Variants in RAPGEF1 observed in about 807,000 individuals in gnomAD.
The protein encoded by RAPGEF1 is Rap guanine nucleotide exchange factor 1, also known as CRK SH3-binding GNRP.
A neutral mutation model predicts 143.3 loss-of-function variants in RAPGEF1; 33 were observed. The observed-to-expected ratio is 0.23, with a 90% CI of 0.17 to 0.31. The LOEUF (loss-of-function observed/expected upper bound fraction) is 0.31, where lower values mean the gene tolerates loss of function less well. RAPGEF1 is among the 10% of genes least tolerant of loss of function. The probability of loss-of-function intolerance (pLI) is 1.00; values close to 1 mark genes in which losing one functional copy is unlikely to be tolerated. For synonymous variants in RAPGEF1, 629 were observed against 676.5 expected, an observed-to-expected ratio of 0.93 and a Z score of 1.09; for missense variants, 1,199 against 1,645.4, an observed-to-expected ratio of 0.73 and a Z score of 4.69.
chr9:131,638,596 A>C, intron 5 of RAPGEF1, 39 bp downstream of exon 5: 1 of 1,607,204 alleles, frequency 6.2e-7, no homozygotes, highest in Non-Finnish European at 8.5e-7. Flanking sequence ...AGGCTGCTCT[A>C]AGTCCCTGAC....
Position 131,589,920 on chromosome 9 carries a change from A to G in RAPGEF1, c.2833T>C (p.Phe945Leu). The G allele has an allele frequency of 6.2e-7, 1 of 1,613,862 alleles. No individual in the cohort carries two copies. Among genetic ancestry groups the G allele is most frequent in the Non-Finnish European group, 8.5e-7 (1 of 1,179,816 alleles). ...TFKKRVSKNT[F>L]FVLVRVVDEL... ...TCCACCACCCGTACCAGCACGAAGAACGTGTTCTTGCTGACGCGCTTCTTG... is the reference window on the plus strand; with the variant it reads ...TCCACCACCCGTACCAGCACGAAGAGCGTGTTCTTGCTGACGCGCTTCTTG... Residue 945 changes from phenylalanine (F) to leucine (L), a missense_variant, in exon 19 of 27, where the codon TTC becomes CTC. This residue lies in a region of RAPGEF1 where 209 missense variants were observed against 403.0 expected (regional missense o/e 0.52). Coordinates refer to ENST00000683357, the MANE Select transcript of RAPGEF1 (RefSeq NM_001377935.1).
chr9:131,725,000 C>T (rs892032757), intron 1 of RAPGEF1, among the ~76,000 whole-genome samples: 1 of 152,208 alleles, frequency 6.6e-6, no homozygotes, highest in Non-Finnish European at 1.5e-5. Flanking sequence ...CACGGAGCCT[C>T]CACATCCTCC....
intron 5 of RAPGEF1, 119 bp from the exon 6 acceptor site, chr9:131,630,443 C>T: frequency 2.2e-6 from 2 of 909,880 alleles, no homozygotes. Flanking sequence ...CCTACAGATT[C>T]CCCACGCACC....
chr9:131,584,532 T>G lies in RAPGEF1; in HGVS notation c.3298A>C (p.Ile1100Leu). 1 of 1,614,010 alleles carries G rather than the reference T, an allele frequency of 6.2e-7. No individual in the cohort carries two copies. Among genetic ancestry groups the G allele is most frequent in the Admixed American group, 1.7e-5 (1 of 60,030 alleles). Reference protein sequence around the residue: ...QDRERLLLKFIKIMKHLRKLN... With the variant: ...QDRERLLLKFLKIMKHLRKLN... ...GCCACCATTACCTTCATGATCTTGA[T>G]GAACTTCAAGAGCAGCCGTTCCCTG... The change falls in exon 23 of 27, where the codon ATC becomes CTC. Residue 1100 changes from isoleucine to leucine, a missense_variant. Ile to Leu is a conservative substitution (Grantham distance 5, BLOSUM62 2). This residue lies in a region of RAPGEF1 where 209 missense variants were observed against 403.0 expected (regional missense o/e 0.52). Coordinates refer to ENST00000683357, the MANE Select transcript of RAPGEF1 (RefSeq NM_001377935.1). The surrounding 1 kb of genome is among the most constrained non-coding windows in gnomAD (Gnocchi z 6.8).
chr9:131,718,614 A>T (rs546681381), intron 1 of RAPGEF1, among the ~76,000 whole-genome samples: 121 of 152,302 alleles, frequency 7.9e-4, no homozygotes, highest in African/African-American at 2.7e-3. Flanking sequence ...AGAGGAGGCA[A>T]GGACACCCTC....
chr9:131,726,982 T>G (rs1836721356), intron 1 of RAPGEF1, among the ~76,000 whole-genome samples: 1 of 152,054 alleles, frequency 6.6e-6, no homozygotes, highest in Non-Finnish European at 1.5e-5. Context: ...CTAGCCTGGG[T>G]GACAGTGTGA....
intron 1 of RAPGEF1, among the ~76,000 whole-genome samples, chr9:131,671,171 T>A (rs369111872): frequency 6.6e-6 from 1 of 152,240 alleles, no homozygotes; most frequent in African/African-American, 2.4e-5. Context: ...TGATCGTTTT[T>A]CAAGAGGGAA....
chr9:131,663,081 C>T (rs1475350623), intron 1 of RAPGEF1, among the ~76,000 whole-genome samples: 1 of 152,056 alleles, frequency 6.6e-6, no homozygotes, highest in African/African-American at 2.4e-5. Context: ...TAACATTCTG[C>T]CATGCCCGCT....
At chr9:131,647,698 T>C (rs1303823541) in intron 3 of RAPGEF1, among the ~76,000 whole-genome samples, 1 of 152,208 alleles carries the variant, frequency 6.6e-6, no homozygotes, top group African/African-American at 2.4e-5. Flanking sequence ...GAGGTTCGCA[T>C]TTACTTGTCC....
Position 131,736,955 on chromosome 9 carries a change from A to G in RAPGEF1, c.61+2815T>C, listed in dbSNP as rs11243495. ...GTGGGAAGTCCATTAAAAAAACTCC[A>G]ACAGAAATCTAACAAAATGTCGTCT... On this transcript the variant is annotated intron_variant, in intron 1 of 26. Transcript: ENST00000683357. 5.6e-4 allele frequency among the ~76,000 whole-genome samples: 86 copies of G among 152,266 alleles called. 2 individuals are homozygous for G. The East Asian group carries it at 0.016, about 28-fold the overall frequency.
intron 1 of RAPGEF1, among the ~76,000 whole-genome samples, chr9:131,690,996 C>A (rs771673714): frequency 4.6e-5 from 7 of 152,156 alleles, no homozygotes; most frequent in Middle Eastern, 3.4e-3. Flanking sequence ...GATAATTGGC[C>A]TAGGAAATAA....
intron 1 of RAPGEF1, among the ~76,000 whole-genome samples, chr9:131,704,051 A>G (rs1834865470): frequency 6.6e-6 from 1 of 152,102 alleles, no homozygotes; most frequent in African/African-American, 2.4e-5. Context: ...TATGTGAATT[A>G]TCTCATTTAG....
intron 13 of RAPGEF1, among the ~76,000 whole-genome samples, chr9:131,604,380 C>A (rs1446924789): frequency 6.6e-6 from 1 of 152,214 alleles, no homozygotes; most frequent in African/African-American, 2.4e-5. Flanking sequence ...GGGTCCGCTG[C>A]CTGCACTTCC....
chr9:131,649,217 T>TG (rs1970468890), intron 3 of RAPGEF1, among the ~76,000 whole-genome samples: 1 of 144,592 alleles, frequency 6.9e-6, no homozygotes, highest in Admixed American at 6.9e-5. Flanking sequence ...TTTTTTTTTT[T>TG]TTTTTTTTTG....
chr9:131,719,482 T>G (rs567038418), intron 1 of RAPGEF1, among the ~76,000 whole-genome samples: 2 of 152,198 alleles, frequency 1.3e-5, no homozygotes, highest in Admixed American at 1.3e-4. Flanking sequence ...TAAGGGTTTG[T>G]TTCAATACTG....
rs986516472 is a variant in RAPGEF1 at position 131,726,524 on chromosome 9, G to A, written c.61+13246C>T. On this transcript the variant is annotated intron_variant, in intron 1 of 26. Coordinates refer to ENST00000683357, the MANE Select transcript of RAPGEF1 (RefSeq NM_001377935.1). ...GCCTATAATCCCAGCTACTTGGGAG[G>A]CTGAAGCAGGAGAATCACCTGAGCC... Among the ~76,000 whole-genome samples, 3 of 148,808 alleles carry A rather than the reference G, an allele frequency of 2.0e-5. No homozygotes were observed. The Admixed American group carries it at 2.0e-4, about 10-fold the overall frequency.
chr9:131,649,839 C>G (rs927738905), intron 3 of RAPGEF1, among the ~76,000 whole-genome samples: 3 of 152,150 alleles, frequency 2.0e-5, no homozygotes, highest in Non-Finnish European at 2.9e-5. Context: ...AGATGAGACT[C>G]GCCCACATCC....
chr9:131,627,806 A>C (rs1963689057), intron 9 of RAPGEF1, 107 bp downstream of exon 9: 1 of 1,220,736 alleles, frequency 8.2e-7, no homozygotes, highest in African/African-American at 1.5e-5. Flanking sequence ...AAGTCAGCCA[A>C]AGCCACGTAG....
In RAPGEF1 at chr9:131,739,887, C is replaced by G; in HGVS notation, c.-57G>C. 1.0e-6 allele frequency: 1 copy of G among 960,870 alleles called. No homozygotes were observed. The highest frequency in any genetic ancestry group is 1.2e-6 in the Non-Finnish European group (1 of 809,288). 59.5% of individuals were successfully genotyped at this position (960,870 alleles called of 1,614,324 possible). On this transcript the variant is annotated 5_prime_UTR_variant, in exon 1 of 27. Coordinates refer to ENST00000683357, the MANE Select transcript of RAPGEF1 (RefSeq NM_001377935.1). ...GGGGCGGCGCGCCCGCCGCTCGCCT[C>G]GGCCCTGGCTCGCCACGCCTCAGAC...
Sources: allele counts gnomAD v4.1 joint callset (sites outside exome capture counted in the v4.1 genomes callset), GRCh38; gene constraint gnomAD v4.1.1; regional missense constraint gnomAD v4.1.1; non-coding constraint Gnocchi (gnomAD v3.1); transcripts MANE v1.5; gene names NCBI Gene and HGNC (gene_info 2026-07-23, HGNC 2026-07-21).